VRK2: variants seen among roughly 807,000 people sequenced by gnomAD.
The protein encoded by VRK2 is VRK serine/threonine kinase 2.
Under a neutral mutation model 57.6 loss-of-function variants are expected in VRK2, and 60 were observed. That is an observed-to-expected ratio of 1.04 (90% CI 0.85 to 1.29). The LOEUF is 1.29. Ranked by LOEUF, VRK2 falls within the 50% of genes most tolerant of loss-of-function variation. The pLI, the probability that VRK2 is intolerant of heterozygous loss-of-function variation, is 0.00. For missense variants in VRK2, 705 were observed against 588.1 expected, an observed-to-expected ratio of 1.20 and a Z score of -2.06; for synonymous variants, 231 against 199.2, an observed-to-expected ratio of 1.16 and a Z score of -1.35.
intron 1 of VRK2, among the ~76,000 whole-genome samples, chr2:57,941,945 T>C (rs902936802): frequency 1.3e-5 from 2 of 152,220 alleles, no homozygotes; most frequent in African/African-American, 4.8e-5. Context: ...AACCCTACCA[T>C]TAAATATATT....
At chr2:57,990,965 G>T (rs1046662491) in intron 1 of VRK2, among the ~76,000 whole-genome samples, 2 of 151,784 alleles carry the variant, frequency 1.3e-5, no homozygotes, top group Non-Finnish European at 1.5e-5. Context: ...GGAATTTTAT[G>T]AATTCCCATG....
intron 3 of VRK2, among the ~76,000 whole-genome samples, chr2:58,034,711 C>T (rs752697174): frequency 2.6e-5 from 4 of 151,578 alleles, no homozygotes; most frequent in African/African-American, 4.9e-5. Flanking sequence ...CATCTCTCAT[C>T]TTTGTTCTTC....
intron 5 of VRK2, among the ~76,000 whole-genome samples, chr2:58,087,972 C>T (rs190465117): frequency 1.3e-5 from 2 of 151,634 alleles, no homozygotes; most frequent in African/African-American, 4.8e-5. Flanking sequence ...GGTGACAGAG[C>T]GGGACTCTGT....
At chr2:58,069,434 C>T (rs1235170233) in intron 2 of VRK2, among the ~76,000 whole-genome samples, 4 of 152,090 alleles carry the variant, frequency 2.6e-5, no homozygotes, top group African/African-American at 9.7e-5. Context: ...AAGCTCTCTC[C>T]CTCCATGGTC....
chr2:58,115,272 A>C, intron 7 of VRK2, among the ~76,000 whole-genome samples: 1 of 152,142 alleles, frequency 6.6e-6, no homozygotes, highest in Non-Finnish European at 1.5e-5. Flanking sequence ...CATGGGGGTC[A>C]GGTGTGGTAT....
intron 1 of VRK2, among the ~76,000 whole-genome samples, chr2:57,935,702 A>G (rs578050669): frequency 6.6e-6 from 1 of 152,184 alleles, no homozygotes; most frequent in South Asian, 2.1e-4. Flanking sequence ...TACCTTAGTA[A>G]TCTGGGTGAG....
intron 1 of VRK2, among the ~76,000 whole-genome samples, chr2:57,920,190 A>C (rs1334340297): frequency 6.6e-6 from 1 of 152,136 alleles, no homozygotes; most frequent in East Asian, 1.9e-4. Context: ...AAATAAGATC[A>C]GTCCAAAAAA....
intron 7 of VRK2, among the ~76,000 whole-genome samples, chr2:58,103,608 T>C (rs1056442285): frequency 2.6e-5 from 4 of 151,058 alleles, no homozygotes; most frequent in African/African-American, 9.7e-5. Flanking sequence ...AATAGAAAAA[T>C]CTTAACAAAC....
chr2:58,009,484 T>C (rs1258722636), intron 1 of VRK2, among the ~76,000 whole-genome samples: 1 of 150,628 alleles, frequency 6.6e-6, no homozygotes, highest in Non-Finnish European at 1.5e-5. Flanking sequence ...TAAAGGTTGA[T>C]GTCTTTATTT....
chr2:58,001,032 T>G (rs1200175646), intron 1 of VRK2, among the ~76,000 whole-genome samples: 1 of 152,224 alleles, frequency 6.6e-6, no homozygotes, highest in Non-Finnish European at 1.5e-5. Context: ...TAATGTAATA[T>G]TTTAATGAGT....
intron 2 of VRK2, among the ~76,000 whole-genome samples, chr2:58,059,083 A>G (rs1422359280): frequency 6.6e-6 from 1 of 152,110 alleles, no homozygotes; most frequent in Non-Finnish European, 1.5e-5. Flanking sequence ...GACAAGGCAT[A>G]GAGCATCAGT....
chr2:58,050,712 CTA>C (rs1238493080), intron 2 of VRK2, among the ~76,000 whole-genome samples: 2 of 152,186 alleles, frequency 1.3e-5, no homozygotes, highest in South Asian at 2.1e-4. Context: ...CTGTATGTAT[CTA>C]TGTGTACACA....
At chr2:57,991,985 A>T (rs1384812416) in intron 1 of VRK2, among the ~76,000 whole-genome samples, 1 of 151,960 alleles carries the variant, frequency 6.6e-6, no homozygotes, top group African/African-American at 2.4e-5. Flanking sequence ...TGATTTGTAA[A>T]GACAAGGCCC....
chr2:57,911,822 A>C (rs1035734055), intron 1 of VRK2, among the ~76,000 whole-genome samples: 6 of 152,194 alleles, frequency 3.9e-5, no homozygotes, highest in African/African-American at 1.4e-4. Flanking sequence ...AAAAATCAGG[A>C]ATGTTACTGT....
chr2:58,142,148 G>A (rs1326760634), intron 11 of VRK2, among the ~76,000 whole-genome samples: 1 of 151,662 alleles, frequency 6.6e-6, no homozygotes, highest in African/African-American at 2.4e-5. Context: ...GTATTCAAGG[G>A]AAAAAAGTTG....
At chr2:58,137,163 T>TG (rs1165658837) in intron 10 of VRK2, among the ~76,000 whole-genome samples, 16 of 6,368 alleles carry the variant, frequency 2.5e-3, no homozygotes, top group Non-Finnish European at 0.01. Context: ...TGTTTATATA[T>TG]ATCATATATC....
Position 58,046,822 on chromosome 2 carries a change from G to T in VRK2, c.-52G>T. The T allele has an allele frequency of 1.0e-6, 1 of 985,738 alleles. No homozygotes were observed. 61.1% of individuals were successfully genotyped at this position (985,738 alleles called of 1,614,324 possible). On this transcript the variant is annotated 5_prime_UTR_variant, in exon 1 of 13. Coordinates refer to ENST00000340157, the MANE Select transcript of VRK2 (RefSeq NM_006296.7). ...GGGCTCCGCCTCGTCGCAGCGGCAG[G>T]TAGGAGGCGGTGCGCGCGGCCCGGC...
intron 1 of VRK2, among the ~76,000 whole-genome samples, chr2:57,979,721 T>C (rs574123733): frequency 9.2e-4 from 140 of 152,258 alleles, no homozygotes; most frequent in Admixed American, 1.9e-3. Context: ...CTTCAGAACT[T>C]GTTATTGGTC....
intron 7 of VRK2, among the ~76,000 whole-genome samples, chr2:58,097,257 A>G (rs542054648): frequency 1.2e-4 from 18 of 152,016 alleles, no homozygotes; most frequent in Non-Finnish European, 2.4e-4. Context: ...AGTGGTGTTT[A>G]AACGTCTACT....
Sources: gnomAD v4.1 joint callset for allele counts (sites outside exome capture counted in the v4.1 genomes callset) on GRCh38, gnomAD v4.1.1 for gene constraint, MANE v1.5 for transcripts, NCBI Gene and HGNC (gene_info 2026-07-23, HGNC 2026-07-21) for gene names.